The following PCDH9 variants were observed in gnomAD, a reference collection of about 807,000 sequenced individuals.
PCDH9 encodes protocadherin 9.
A neutral mutation model predicts 70.6 loss-of-function variants in PCDH9; 24 were observed. That is an observed-to-expected ratio of 0.34 (90% CI 0.25 to 0.48). The LOEUF (loss-of-function observed/expected upper bound fraction) is 0.48, where lower values mean the gene tolerates loss of function less well. Ranked by LOEUF, PCDH9 falls within the 20% of genes least tolerant of loss-of-function variation. The pLI is 0.99. For synonymous variants in PCDH9, 562 were observed against 558.5 expected (o/e 1.01, Z -0.09); for missense variants, 1,281 against 1,503.6 (o/e 0.85, Z 2.45).
At chr13:67,105,761 A>T (rs553070560) in intron 2 of PCDH9, among the ~76,000 whole-genome samples, 1 of 151,926 alleles carries the variant, frequency 6.6e-6, no homozygotes, top group Non-Finnish European at 1.5e-5. Flanking sequence ...AATTTTGACA[A>T]TTGCTTAAAT....
intron 2 of PCDH9, chr13:67,224,301 T>C (rs2089797803): frequency 6.6e-6 from 1 of 152,162 alleles, no homozygotes; most frequent in South Asian, 2.1e-4. Context: ...TAAATGCTAG[T>C]TGCTCCAGAG....
At chr13:66,961,394 T>C (rs1160723701) in intron 2 of PCDH9, among the ~76,000 whole-genome samples, 2 of 152,236 alleles carry the variant, frequency 1.3e-5, no homozygotes, top group Non-Finnish European at 1.5e-5. Flanking sequence ...TAAATAATTA[T>C]TGATTTAACT....
chr13:66,996,767 A>G (rs2084125348), intron 2 of PCDH9, among the ~76,000 whole-genome samples: 1 of 152,226 alleles, frequency 6.6e-6, no homozygotes, highest in South Asian at 2.1e-4. Context: ...TTTGGCTAGT[A>G]AGTGTCTGGT....
rs543711964 is a variant in PCDH9 at position 66,572,067 on chromosome 13, T to G, written c.3340+59143A>C. ...TTGAATTCTCTTAAACTTATGACTC[T>G]TTTTCACCATATAAGCTTTTTTACT... On this transcript the variant is annotated intron_variant, in intron 4 of 4. Coordinates refer to ENST00000377865, the MANE Select transcript of PCDH9 (RefSeq NM_203487.3). Among the ~76,000 whole-genome samples the G allele has an allele frequency of 2.0e-5, 3 of 152,218 alleles. No homozygotes were observed. In the South Asian group the frequency reaches 6.2e-4, roughly 32 times the overall value.
chr13:66,924,610 T>A (rs2082688018), intron 2 of PCDH9, among the ~76,000 whole-genome samples: 1 of 150,910 alleles, frequency 6.6e-6, no homozygotes. Flanking sequence ...AACAAACATA[T>A]AATCTGCAAA....
At position 67,226,029 on chromosome 13, in the gene PCDH9, G is replaced by A. The variant is rs1002752060; in HGVS notation, c.2412C>T (p.Ser804=). 3.1e-6 allele frequency: 5 copies of A among 1,613,886 alleles called. No homozygotes were observed. Among genetic ancestry groups the A allele is most frequent in the Non-Finnish European group, 4.2e-6 (5 of 1,179,942 alleles). ...GATAGTCCTCATTTTGATAGGGTTG[G>A]CTACTATCCCCTATGTTCCTGTCCA... The part of the protein sequence containing the change: ...TPLDRNIGDS[S]QPYQNEDYLT... Residue 804 remains serine (S), a synonymous_variant, in exon 2 of 5, where the codon AGC becomes AGT. Coordinates refer to ENST00000377865, the MANE Select transcript of PCDH9 (RefSeq NM_203487.3). The surrounding 1 kb of genome is among the most constrained non-coding windows in gnomAD (Gnocchi z 5.0).
intron 4 of PCDH9, among the ~76,000 whole-genome samples, chr13:66,484,229 G>C (rs1306269265): frequency 6.6e-6 from 1 of 152,128 alleles, no homozygotes; most frequent in East Asian, 1.9e-4. Context: ...TAATTGAGTT[G>C]GTTAACACCA....
chr13:67,134,970 G>T (rs1049829022), intron 2 of PCDH9, among the ~76,000 whole-genome samples: 8 of 152,066 alleles, frequency 5.3e-5, no homozygotes, highest in African/African-American at 1.2e-4. Context: ...AATGAAAAGT[G>T]AAAAGTGAAA....
chr13:66,817,001 A>T (rs1189712458), intron 3 of PCDH9, among the ~76,000 whole-genome samples: 4 of 143,972 alleles, frequency 2.8e-5, no homozygotes, highest in African/African-American at 1.1e-4. Flanking sequence ...AAAATATTTA[A>T]AAAAAAAAAC....
intron 3 of PCDH9, among the ~76,000 whole-genome samples, chr13:66,702,894 C>A (rs2078665224): frequency 6.6e-6 from 1 of 152,108 alleles, no homozygotes; most frequent in Non-Finnish European, 1.5e-5. Context: ...TCTCCAATTT[C>A]ACCACGATTA....
At chr13:67,014,960 C>T (rs1042486511) in intron 2 of PCDH9, among the ~76,000 whole-genome samples, 2 of 152,090 alleles carry the variant, frequency 1.3e-5, no homozygotes, top group African/African-American at 4.8e-5. Flanking sequence ...CACTGCCTCC[C>T]ATTTCACAGT....
At chr13:67,002,772 T>G (rs899605690) in intron 2 of PCDH9, among the ~76,000 whole-genome samples, 30 of 152,096 alleles carry the variant, frequency 2.0e-4, no homozygotes, top group African/African-American at 6.8e-4. Flanking sequence ...ATTAACAGTT[T>G]TATTTTGGTA....
At chr13:66,938,838 T>C (rs1594286896) in intron 2 of PCDH9, among the ~76,000 whole-genome samples, 1 of 152,162 alleles carries the variant, frequency 6.6e-6, no homozygotes, top group African/African-American at 2.4e-5. Flanking sequence ...ACTTCATATA[T>C]GTAGATCATT....
intron 3 of PCDH9, among the ~76,000 whole-genome samples, chr13:66,784,156 T>C (rs944048407): frequency 8.5e-5 from 13 of 152,142 alleles, no homozygotes; most frequent in African/African-American, 3.1e-4. Context: ...CTCTTACAAA[T>C]AGTACTATAA....
chr13:66,359,000 A>G (rs1193267476), intron 4 of PCDH9, among the ~76,000 whole-genome samples: 1 of 151,986 alleles, frequency 6.6e-6, no homozygotes, highest in East Asian at 1.9e-4. Flanking sequence ...TCGCTCATTA[A>G]TGGTGATTTC....
rs181775600 is a variant in PCDH9 at position 66,912,983 on chromosome 13, T to G, written c.3037-9378A>C. 3.0e-4 allele frequency among the ~76,000 whole-genome samples: 45 copies of G among 152,262 alleles called. No individual in the cohort carries two copies. The East Asian group carries it at 8.3e-3, about 28-fold the overall frequency. Reference sequence around the variant, plus strand: ...TAAACCTTCAACGTAATGTTAGCCTTGGCTATGTGCATGCCAGTCTTTAGA... The same window carrying G: ...TAAACCTTCAACGTAATGTTAGCCTGGGCTATGTGCATGCCAGTCTTTAGA... On this transcript the variant is annotated intron_variant, in intron 2 of 4. Transcript: ENST00000377865.
intron 2 of PCDH9, among the ~76,000 whole-genome samples, chr13:66,999,253 A>G (rs2084187762): frequency 6.6e-6 from 1 of 152,198 alleles, no homozygotes; most frequent in South Asian, 2.1e-4. Context: ...AATGTCAGGC[A>G]AAGTTGAGAT....
rs1960301743 is a variant in PCDH9, at chr13:66,528,338, A to C, written c.3340+102872T>G. ...CATTCCTCCTCGGCAATACAAGGTC[A>C]CTCAATTATCCTCTCTTCAGATGCC... On this transcript the variant is annotated intron_variant, in intron 4 of 4. Transcript: ENST00000377865. Among the ~76,000 whole-genome samples, 2 of 152,132 alleles carry C rather than the reference A, an allele frequency of 1.3e-5. 1 individual carries two copies. Among genetic ancestry groups the C allele is most frequent in the South Asian group, 4.2e-4 (2 of 4,800 alleles).
At chr13:66,738,578 A>C (rs1348565042) in intron 3 of PCDH9, among the ~76,000 whole-genome samples, 3 of 128,274 alleles carry the variant, frequency 2.3e-5, no homozygotes, top group Admixed American at 8.3e-5. Context: ...AAAGGCAAAG[A>C]AGTTGAAAAC....
Sources: gnomAD v4.1 joint callset for allele counts (sites outside exome capture counted in the v4.1 genomes callset) on GRCh38, gnomAD v4.1.1 for gene constraint, Gnocchi (gnomAD v3.1) non-coding constraint, MANE v1.5 for transcripts, NCBI Gene and HGNC (gene_info 2026-07-23, HGNC 2026-07-21) for gene names.